Variants in LDLRAD4 observed in about 807,000 individuals in gnomAD.
The protein encoded by LDLRAD4 is low density lipoprotein receptor class A domain containing 4.
Under a neutral mutation model 17.0 loss-of-function variants are expected in LDLRAD4, and 5 were observed. The ratio of observed to expected loss-of-function variants is 0.29; its 90% CI spans 0.15 to 0.62. The LOEUF (loss-of-function observed/expected upper bound fraction) is 0.62, where lower values mean the gene tolerates loss of function less well. LDLRAD4 is among the 20% of genes least tolerant of loss of function. The probability of loss-of-function intolerance (pLI) is 0.84; values close to 1 mark genes in which losing one functional copy is unlikely to be tolerated. For synonymous variants in LDLRAD4, 168 were observed against 171.8 expected, an observed-to-expected ratio of 0.98 and a Z score of 0.17; for missense variants, 340 against 424.7, an observed-to-expected ratio of 0.80 and a Z score of 1.75.
intron 3 of LDLRAD4, chr18:13,489,806 A>T (rs1241815230): frequency 6.6e-6 from 1 of 152,200 alleles, no homozygotes; most frequent in Non-Finnish European, 1.5e-5. Context: ...CCTTTGCTGC[A>T]TTAAATTATC....
intron 3 of LDLRAD4, among the ~76,000 whole-genome samples, chr18:13,608,054 T>C (rs1404444257): frequency 1.3e-5 from 2 of 151,444 alleles, no homozygotes; most frequent in Admixed American, 6.6e-5. Context: ...TAATTTACAC[T>C]CCCACCAACA....
intron 1 of LDLRAD4, among the ~76,000 whole-genome samples, chr18:13,270,341 G>A (rs970726275): frequency 6.6e-5 from 10 of 151,518 alleles, no homozygotes; most frequent in Non-Finnish European, 1.3e-4. Context: ...ATCTAGCCTG[G>A]GTGACTCTGT....
intron 1 of LDLRAD4, among the ~76,000 whole-genome samples, chr18:13,356,086 C>T (rs1032907563): frequency 7.9e-5 from 12 of 152,236 alleles, no homozygotes; most frequent in Non-Finnish European, 1.5e-4. Context: ...CAGCCAGGGT[C>T]GTGCTTCAGC....
At position 13,345,703 on chromosome 18, in the gene LDLRAD4, A is replaced by G. The variant is rs570825196; in HGVS notation, c.-382-41638A>G. On this transcript the variant is annotated intron_variant, in intron 1 of 5. Transcript: ENST00000359446. The stretch of plus-strand genomic sequence containing the variant: ...TCTGGTAGAATTCGGCTGTGAATCC[A>G]TCTGGTCCTGGACTTTTTTTGGTTG... 2.0e-5 allele frequency among the ~76,000 whole-genome samples: 3 copies of G among 152,250 alleles called. No homozygotes were observed. The South Asian group carries it at 6.2e-4, about 32-fold the overall frequency.
At chr18:13,499,405 G>A (rs1490120912) in intron 3 of LDLRAD4, among the ~76,000 whole-genome samples, 6 of 141,350 alleles carry the variant, frequency 4.2e-5, no homozygotes, top group African/African-American at 1.3e-4. Context: ...TTCCCACCAT[G>A]GACACTGGAG....
chr18:13,643,180 C>T (rs11080665), intron 4 of LDLRAD4, among the ~76,000 whole-genome samples, 179 bp from the exon 6 acceptor site: 12 of 151,708 alleles, frequency 7.9e-5, no homozygotes, highest in Admixed American at 2.0e-4. Context: ...GTGATCCATC[C>T]GCCTCTGCCT....
chr18:13,632,208 G>A (rs1175403651), intron 4 of LDLRAD4, among the ~76,000 whole-genome samples: 3 of 152,178 alleles, frequency 2.0e-5, no homozygotes, highest in Non-Finnish European at 4.4e-5. Flanking sequence ...GTGGCTGGTG[G>A]TGCCTTCTGC....
intron 3 of LDLRAD4, among the ~76,000 whole-genome samples, chr18:13,578,827 CTTTTTT>C (rs1003295658): frequency 1.9e-3 from 125 of 65,692 alleles, no homozygotes; most frequent in East Asian, 5.5e-3. Flanking sequence ...TTGTCCGGGT[CTTTTTT>C]TTTTTTTTTT....
intron 3 of LDLRAD4, among the ~76,000 whole-genome samples, chr18:13,584,752 C>G (rs2148479650): frequency 6.6e-6 from 1 of 152,238 alleles, no homozygotes; most frequent in East Asian, 1.9e-4. Context: ...GATTATTCTG[C>G]AGTGAGAACT....
At chr18:13,447,594 G>A (rs570251651) in intron 3 of LDLRAD4, among the ~76,000 whole-genome samples, 11 of 152,264 alleles carry the variant, frequency 7.2e-5, no homozygotes, top group East Asian at 1.9e-4. Flanking sequence ...TCATGTGTGC[G>A]GGGCTGTCCC....
At chr18:13,460,277 T>G (rs2092367449) in intron 3 of LDLRAD4, among the ~76,000 whole-genome samples, 1 of 152,206 alleles carries the variant, frequency 6.6e-6, no homozygotes, top group South Asian at 2.1e-4. Flanking sequence ...ACTGCATCTT[T>G]GAACTTCTGG....
At chr18:13,348,773 G>A (rs924218133) in intron 1 of LDLRAD4, among the ~76,000 whole-genome samples, 6 of 152,158 alleles carry the variant, frequency 3.9e-5, no homozygotes, top group Non-Finnish European at 7.4e-5. Context: ...CAGCAATGGC[G>A]GGCGCCCCTC....
intron 1 of LDLRAD4, among the ~76,000 whole-genome samples, chr18:13,263,691 C>A (rs956613635): frequency 2.4e-4 from 36 of 152,326 alleles, no homozygotes; most frequent in Admixed American, 4.6e-4. Context: ...TTACCCACCT[C>A]ATGGGTTCTT....
At chr18:13,311,050 A>AAGGATAAGGGC (rs2047205700) in intron 1 of LDLRAD4, among the ~76,000 whole-genome samples, 2 of 152,204 alleles carry the variant, frequency 1.3e-5, no homozygotes, top group African/African-American at 4.8e-5. Context: ...AGGGCAGATA[A>AAGGATAAGGGC]AGGATAAGGG....
rs200353588 is a variant in LDLRAD4 at position 13,476,962 on chromosome 18, A to AT, written c.181+38583dup. On this transcript the variant is annotated intron_variant, in intron 3 of 5. Coordinates refer to ENST00000359446, the Ensembl canonical transcript of LDLRAD4. ...TTATCTGAAAAAGTTCTCTAATTAT[A>AT]TTTTTCTTATCCTTTTTGATGTCTC... 9.0e-3 allele frequency among the ~76,000 whole-genome samples: 1,368 copies of AT among 152,212 alleles called. 22 individuals are homozygous for AT. The highest frequency in any genetic ancestry group is 0.031 in the African/African-American group (1,271 of 41,526).
intron 1 of LDLRAD4, among the ~76,000 whole-genome samples, chr18:13,285,733 G>A (rs781692784): frequency 6.6e-6 from 1 of 152,090 alleles, no homozygotes; most frequent in Non-Finnish European, 1.5e-5. Context: ...GAAACTCGGG[G>A]GTTGTGGTAG....
intron 1 of LDLRAD4, among the ~76,000 whole-genome samples, chr18:13,297,529 T>A (rs2046340095): frequency 6.6e-6 from 1 of 152,348 alleles, no homozygotes; most frequent in South Asian, 2.1e-4. Flanking sequence ...GTGCAGTGGC[T>A]CATGCCTGTA....
chr18:13,456,457 A>G (rs1421494918), intron 3 of LDLRAD4, among the ~76,000 whole-genome samples: 1 of 152,296 alleles, frequency 6.6e-6, no homozygotes, highest in East Asian at 1.9e-4. Context: ...CTCAGTGGCC[A>G]GTTGCCTTTC....
chr18:13,300,588 G>T lies in LDLRAD4; in HGVS notation c.-383+22400G>T, dbSNP rs1034682530. The stretch of plus-strand genomic sequence containing the variant: ...CTTCTCCTGGCTTATTTCGGGGTGG[G>T]TGTGTGAGAATTGGCTGTGAGATGA... On this transcript the variant is annotated intron_variant, in intron 1 of 5. Transcript: ENST00000359446. This position sits in a 1 kb window ranked among gnomAD's most constrained non-coding sequence, Gnocchi z 4.2. Among the ~76,000 whole-genome samples, 11 of 152,204 alleles carry T rather than the reference G, an allele frequency of 7.2e-5. No homozygotes were observed. Among genetic ancestry groups the T allele is most frequent in the African/African-American group, 2.4e-4 (10 of 41,446 alleles).
Sources: allele counts gnomAD v4.1 joint callset (sites outside exome capture counted in the v4.1 genomes callset), GRCh38; gene constraint gnomAD v4.1.1; non-coding constraint Gnocchi (gnomAD v3.1); transcripts MANE v1.5; gene names NCBI Gene and HGNC (gene_info 2026-07-23, HGNC 2026-07-21).